The following ELMO1 variants were observed in gnomAD, a reference collection of about 807,000 sequenced individuals.
ELMO1 encodes engulfment and cell motility 1.
Under a neutral mutation model 98.9 loss-of-function variants are expected in ELMO1, and 26 were observed. That is an observed-to-expected ratio of 0.26 (90% CI 0.19 to 0.36). ELMO1 has a LOEUF of 0.36. Ranked by LOEUF, ELMO1 falls within the 10% of genes least tolerant of loss-of-function variation. The probability of loss-of-function intolerance (pLI) is 1.00; values close to 1 mark genes in which losing one functional copy is unlikely to be tolerated. For missense variants in ELMO1, 627 were observed against 935.2 expected (o/e 0.67, Z 4.30); for synonymous variants, 346 against 346.0 (o/e 1.00, Z 0.00).
In ELMO1 at chr7:37,182,595, T is replaced by C. The variant is rs2130017371; in HGVS notation, c.1086+28791A>G. Among the ~76,000 whole-genome samples, 5 of 150,456 alleles carry C rather than the reference T, an allele frequency of 3.3e-5. No homozygotes were observed. In the South Asian group the frequency reaches 1.1e-3, roughly 32 times the overall value. On this transcript the variant is annotated intron_variant, in intron 13 of 21. Coordinates refer to ENST00000310758, the MANE Select transcript of ELMO1 (RefSeq NM_014800.11). ...TCTCTCTCCCTCCCCCTCCTCTCTC[T>C]CTTCTCTCTCCCTTGACAAGCGCTT...
chr7:37,173,283 C>A (rs531602358), intron 13 of ELMO1, among the ~76,000 whole-genome samples: 1 of 152,288 alleles, frequency 6.6e-6, no homozygotes, highest in South Asian at 2.1e-4. Context: ...CTGCAGGCCA[C>A]CTCTTCTTAT....
rs187973359 is a variant in ELMO1, at chr7:37,363,894, A to C, written c.-73-21131T>G. ...AACCAAGTGACTAGAAAACCAAAGA[A>C]GCCAGGGAAGAGTTCAGTAGAAAAT... is the stretch of plus-strand genomic sequence containing the variant. On this transcript the variant is annotated intron_variant, in intron 1 of 21. Coordinates refer to ENST00000310758, the MANE Select transcript of ELMO1 (RefSeq NM_014800.11). 2.6e-5 allele frequency among the ~76,000 whole-genome samples: 4 copies of C among 152,280 alleles called. No individual in the cohort carries two copies. In the East Asian group the frequency reaches 7.7e-4, roughly 29 times the overall value.
At chr7:36,918,823 A>G (rs1313877038) in intron 16 of ELMO1, among the ~76,000 whole-genome samples, 1 of 152,228 alleles carries the variant, frequency 6.6e-6, no homozygotes, top group African/African-American at 2.4e-5. Context: ...AAAATACTTG[A>G]GTTTTAGAAA....
intron 1 of ELMO1, among the ~76,000 whole-genome samples, chr7:37,433,135 T>C (rs117708891): frequency 0.017 from 2,653 of 152,052 alleles, 38 homozygotes; most frequent in Non-Finnish European, 0.025. Context: ...ACAGCGAGAG[T>C]TACATGCCAG....
At chr7:37,205,516 CT>C (rs1052627962) in intron 13 of ELMO1, among the ~76,000 whole-genome samples, 53 of 152,304 alleles carry the variant, frequency 3.5e-4, no homozygotes, top group African/African-American at 1.3e-3. Context: ...TCACAGCCTT[CT>C]TACACTTCGG....
At chr7:37,435,581 G>A (rs967637050) in intron 1 of ELMO1, among the ~76,000 whole-genome samples, 2 of 152,168 alleles carry the variant, frequency 1.3e-5, no homozygotes, top group Admixed American at 1.3e-4. Context: ...ACAAATCTGA[G>A]AATTTTCACA....
At chr7:36,873,959 T>C (rs374472319) in intron 19 of ELMO1, among the ~76,000 whole-genome samples, 58 of 152,318 alleles carry the variant, frequency 3.8e-4, no homozygotes, top group Middle Eastern at 3.4e-3. Flanking sequence ...TAGAAGCTCC[T>C]GTGGGCAGAA....
intron 1 of ELMO1, among the ~76,000 whole-genome samples, chr7:37,366,811 T>G (rs1035064522): frequency 5.9e-5 from 9 of 152,234 alleles, no homozygotes; most frequent in Admixed American, 4.6e-4. Flanking sequence ...TCAAAAATAT[T>G]AACAAGAAGC....
At chr7:37,350,509 TACTC>T (rs1801212580) in intron 1 of ELMO1, among the ~76,000 whole-genome samples, 1 of 152,238 alleles carries the variant, frequency 6.6e-6, no homozygotes, top group African/African-American at 2.4e-5. Context: ...ACACGCACTT[TACTC>T]ACTCTTCTTC....
chr7:37,119,739 T>C (rs1336829640), intron 14 of ELMO1, among the ~76,000 whole-genome samples: 1 of 152,194 alleles, frequency 6.6e-6, no homozygotes, highest in Non-Finnish European at 1.5e-5. Context: ...ATTAGAAACA[T>C]ATATATGCTC....
intron 15 of ELMO1, among the ~76,000 whole-genome samples, chr7:37,025,650 G>T (rs1179564851): frequency 6.6e-6 from 1 of 152,056 alleles, no homozygotes; most frequent in Non-Finnish European, 1.5e-5. Context: ...TGGACTGGGA[G>T]TTACATGATC....
intron 2 of ELMO1, among the ~76,000 whole-genome samples, chr7:37,318,800 C>T (rs911047101): frequency 4.6e-5 from 7 of 152,164 alleles, no homozygotes; most frequent in Non-Finnish European, 1.0e-4. Context: ...CCTCACCACC[C>T]AAAAACTAAT....
At chr7:37,224,291 G>T (rs1442152005) in intron 9 of ELMO1, among the ~76,000 whole-genome samples, 1 of 152,178 alleles carries the variant, frequency 6.6e-6, no homozygotes, top group Non-Finnish European at 1.5e-5. Context: ...AGGAAAGAAG[G>T]GGAAAAATGC....
chr7:37,102,134 T>C (rs144625925), intron 14 of ELMO1, among the ~76,000 whole-genome samples: 668 of 152,260 alleles, frequency 4.4e-3, no homozygotes, highest in Non-Finnish European at 7.0e-3. Context: ...TTAGATCATA[T>C]CCCAAGACCC....
At chr7:37,400,429 T>C (rs2131456298) in intron 1 of ELMO1, among the ~76,000 whole-genome samples, 1 of 152,376 alleles carries the variant, frequency 6.6e-6, no homozygotes, top group Non-Finnish European at 1.5e-5. Flanking sequence ...ACCTAGTTTC[T>C]GTTTTTGTTT....
chr7:37,210,358 G>A (rs545339956), intron 13 of ELMO1, among the ~76,000 whole-genome samples: 2 of 152,072 alleles, frequency 1.3e-5, no homozygotes, highest in Non-Finnish European at 2.9e-5. Flanking sequence ...AAACAAATCA[G>A]TAATGAAACA....
intron 14 of ELMO1, among the ~76,000 whole-genome samples, chr7:37,124,262 A>G (rs1443192942): frequency 2.0e-5 from 3 of 152,208 alleles, no homozygotes; most frequent in African/African-American, 7.2e-5. Context: ...CCTATTCAAC[A>G]TAGTGTTGGA....
intron 1 of ELMO1, among the ~76,000 whole-genome samples, chr7:37,417,221 T>C (rs1293846402): frequency 1.3e-5 from 2 of 152,004 alleles, no homozygotes; most frequent in Admixed American, 1.3e-4. Context: ...AAAGACACGT[T>C]GAAGTCCTTT....
rs373116163 is a variant in ELMO1 at position 37,419,232 on chromosome 7, T to C, written c.-74+29443A>G. 6.6e-5 allele frequency among the ~76,000 whole-genome samples: 10 copies of C among 152,278 alleles called. No individual in the cohort carries two copies. The South Asian group carries it at 2.1e-3, about 32-fold the overall frequency. ...ATAATACTCTTAAAATATTTGTAAT[T>C]AAAAATCTAAATAGAAGGCTATGAT... On this transcript the variant is annotated intron_variant, in intron 1 of 21. Transcript: ENST00000310758.
Sources: gnomAD v4.1 joint callset for allele counts (sites outside exome capture counted in the v4.1 genomes callset) on GRCh38, gnomAD v4.1.1 for gene constraint, MANE v1.5 for transcripts, NCBI Gene and HGNC (gene_info 2026-07-23, HGNC 2026-07-21) for gene names.